RNF216: variants seen among roughly 807,000 people sequenced by gnomAD.
RNF216 encodes ring finger protein 216.
RNF216 carries 72 observed loss-of-function variants against 110.8 expected under a neutral mutation model. That is an observed-to-expected ratio of 0.65 (90% CI 0.54 to 0.79). The LOEUF (loss-of-function observed/expected upper bound fraction) is 0.79. Ranked by LOEUF, RNF216 falls within the 30% of genes least tolerant of loss-of-function variation. The pLI is 0.00. For synonymous variants in RNF216, 495 were observed against 407.5 expected, an observed-to-expected ratio of 1.21 and a Z score of -2.59; for missense variants, 1,342 against 1,141.2, an observed-to-expected ratio of 1.18 and a Z score of -2.54.
chr7:5,723,360 T>C (rs1185129997), intron 8 of RNF216, among the ~76,000 whole-genome samples: 1 of 152,082 alleles, frequency 6.6e-6, no homozygotes, highest in Non-Finnish European at 1.5e-5. Context: ...AAAAAATAAA[T>C]GCAATTGGCC....
At chr7:5,652,979 G>C (rs1353384977) in intron 13 of RNF216, among the ~76,000 whole-genome samples, 1 of 152,126 alleles carries the variant, frequency 6.6e-6, no homozygotes, top group Non-Finnish European at 1.5e-5. Context: ...GGTAATCTTG[G>C]GTTTTTAAAA....
intron 13 of RNF216, among the ~76,000 whole-genome samples, chr7:5,685,896 G>A (rs976664147): frequency 1.3e-5 from 2 of 152,154 alleles, no homozygotes; most frequent in African/African-American, 2.4e-5. Flanking sequence ...GCACTATAAT[G>A]CATTTCTATG....
At chr7:5,754,517 T>G (rs1166135640) in intron 2 of RNF216, among the ~76,000 whole-genome samples, 1 of 152,048 alleles carries the variant, frequency 6.6e-6, no homozygotes, top group Non-Finnish European at 1.5e-5. Flanking sequence ...CTTAGCCATT[T>G]CAGAAGACAC....
chr7:5,706,548 T>C (rs1457863368), intron 13 of RNF216, among the ~76,000 whole-genome samples: 2 of 152,236 alleles, frequency 1.3e-5, no homozygotes, highest in African/African-American at 4.8e-5. Flanking sequence ...TCTGTGTTGT[T>C]AGTATGTGCC....
intron 1 of RNF216, among the ~76,000 whole-genome samples, chr7:5,768,346 T>TACACACCCACACACACAC: frequency 1.4e-5 from 1 of 71,942 alleles, no homozygotes; most frequent in African/African-American, 5.0e-5. Context: ...GGCAGGCAAA[T>TACACACCCACACACACAC]ACACACACAC....
intron 11 of RNF216, among the ~76,000 whole-genome samples, chr7:5,714,694 G>C (rs907667972): frequency 6.6e-6 from 1 of 152,224 alleles, no homozygotes; most frequent in African/African-American, 2.4e-5. Context: ...TTTGGAGAGA[G>C]AAATATGATC....
At chr7:5,703,961 T>C (rs1792128022) in intron 13 of RNF216, among the ~76,000 whole-genome samples, 1 of 152,128 alleles carries the variant, frequency 6.6e-6, no homozygotes, top group Non-Finnish European at 1.5e-5. Flanking sequence ...CACCTTCAAA[T>C]CTCCTTTTAT....
intron 13 of RNF216, among the ~76,000 whole-genome samples, chr7:5,654,211 G>T (rs1179021805): frequency 6.6e-6 from 1 of 152,176 alleles, no homozygotes; most frequent in Non-Finnish European, 1.5e-5. Context: ...TGAGAGCAAG[G>T]GAGGAAGTAA....
intron 8 of RNF216, among the ~76,000 whole-genome samples, chr7:5,722,375 T>TC (rs1793482116): frequency 6.7e-6 from 1 of 150,336 alleles, no homozygotes; most frequent in Non-Finnish European, 1.5e-5. Context: ...TCATGTTTTT[T>TC]TTTTTGTTTG....
intron 13 of RNF216, among the ~76,000 whole-genome samples, chr7:5,689,113 G>A (rs760390754): frequency 6.6e-6 from 1 of 152,118 alleles, no homozygotes; most frequent in African/African-American, 2.4e-5. Flanking sequence ...ACCACCATCA[G>A]TGCCTTGTGA....
intron 5 of RNF216, among the ~76,000 whole-genome samples, chr7:5,736,270 G>A (rs972999547): frequency 4.6e-5 from 7 of 151,908 alleles, no homozygotes; most frequent in South Asian, 2.1e-4. Context: ...GGTGCGCGCC[G>A]CCACGCCTGA....
At chr7:5,645,683 C>T (rs570076740) in intron 14 of RNF216, among the ~76,000 whole-genome samples, 45 of 152,124 alleles carry the variant, frequency 3.0e-4, no homozygotes, top group East Asian at 1.5e-3. Context: ...CTCCATCTGC[C>T]GGGTTCAAAT....
chr7:5,710,370 AAC>A (rs1422739676), intron 13 of RNF216, among the ~76,000 whole-genome samples: 29 of 149,544 alleles, frequency 1.9e-4, no homozygotes, highest in Admixed American at 4.0e-4. Flanking sequence ...AAAACTTAAA[AAC>A]AAAAACAAAA....
At chr7:5,721,279 G>C in intron 8 of RNF216, 107 bp from the exon 9 acceptor site, 2 of 997,358 alleles carry the variant, frequency 2.0e-6, no homozygotes, top group Non-Finnish European at 1.5e-6. Flanking sequence ...CTCTCTGATG[G>C]TACGTTTCAT....
chr7:5,731,408 T>C (rs1794082973), intron 5 of RNF216, among the ~76,000 whole-genome samples: 1 of 145,146 alleles, frequency 6.9e-6, no homozygotes, highest in Non-Finnish European at 1.5e-5. Context: ...CATGTTTTCC[T>C]ATGAACAGAC....
At chr7:5,655,960 G>C (rs1264433538) in intron 13 of RNF216, among the ~76,000 whole-genome samples, 1 of 151,818 alleles carries the variant, frequency 6.6e-6, no homozygotes, top group Non-Finnish European at 1.5e-5. Flanking sequence ...GGGCTCAAGC[G>C]ATCTCCCACC....
At chr7:5,724,263 T>C (rs774409760) in intron 8 of RNF216, among the ~76,000 whole-genome samples, 4 of 152,026 alleles carry the variant, frequency 2.6e-5, no homozygotes, top group Non-Finnish European at 4.4e-5. Context: ...GGGACAACAG[T>C]CAGAATCTCT....
chr7:5,738,762 G>C (rs919863953), intron 5 of RNF216, among the ~76,000 whole-genome samples: 2 of 150,840 alleles, frequency 1.3e-5, no homozygotes, highest in African/African-American at 4.9e-5. Context: ...AAACAGAGTG[G>C]TTGCAGAACA....
At chr7:5,771,187 G>A (rs1796476069) in intron 1 of RNF216, among the ~76,000 whole-genome samples, 1 of 152,150 alleles carries the variant, frequency 6.6e-6, no homozygotes, top group Non-Finnish European at 1.5e-5. Context: ...ACTATATGAT[G>A]CTGTACTCAA....
Sources: allele counts gnomAD v4.1 joint callset (sites outside exome capture counted in the v4.1 genomes callset), GRCh38; gene constraint gnomAD v4.1.1; transcripts MANE v1.5; gene names NCBI Gene and HGNC (gene_info 2026-07-23, HGNC 2026-07-21).